PCDH11Y: variants seen among roughly 807,000 people sequenced by gnomAD.
The protein encoded by PCDH11Y is protocadherin 11 Y-linked.
For missense variants in PCDH11Y, 12 were observed against 224.8 expected, an observed-to-expected ratio of 0.05 and a Z score of 6.05; for synonymous variants, 9 against 83.6, an observed-to-expected ratio of 0.11 and a Z score of 4.87.
intron 2 of PCDH11Y, among the ~76,000 whole-genome samples, chrY:5,246,311 A>G (rs2052995758): frequency 3.3e-5 from 1 of 30,435 alleles, no homozygotes; most frequent in African/African-American, 1.3e-4. Flanking sequence ...GAAGGAAAAA[A>G]TGTTAAGGGC....
chrY:5,105,012 G>T, downstream of PCDH11Y: 1 of 171,539 alleles, frequency 5.8e-6, no homozygotes, highest in Admixed American at 2.7e-4. Context: ...GGAGGCCGAG[G>T]CGGGTGGATC....
downstream of PCDH11Y, among the ~76,000 whole-genome samples, chrY:5,108,463 C>T (rs2052796962): frequency 7.0e-4 from 23 of 32,808 alleles, no homozygotes; most frequent in Admixed American, 2.8e-3. Flanking sequence ...TATGTATATA[C>T]TTGGCCGGGC....
chrY:5,673,706 A>G (rs2053551439), intron 4 of PCDH11Y, among the ~76,000 whole-genome samples: 1 of 32,374 alleles, frequency 3.1e-5, no homozygotes, highest in African/African-American at 1.2e-4. Context: ...GAGGGACTTT[A>G]TTAATTACAT....
intron 2 of PCDH11Y, among the ~76,000 whole-genome samples, chrY:5,132,034 C>T: frequency 3.0e-5 from 1 of 33,026 alleles, no homozygotes; most frequent in Non-Finnish European, 7.5e-5. Flanking sequence ...TTCAAGTACT[C>T]AATACAGTAT....
intron 4 of PCDH11Y, among the ~76,000 whole-genome samples, chrY:5,690,288 C>A (rs2124710699): frequency 3.0e-5 from 1 of 32,800 alleles, no homozygotes; most frequent in East Asian, 8.0e-4. Flanking sequence ...TTTGTAAAAC[C>A]AGAATTAACC....
chrY:5,069,888 CTT>C (rs2052696720), intron 1 of PCDH11Y, among the ~76,000 whole-genome samples: 1 of 33,030 alleles, frequency 3.0e-5, no homozygotes, highest in Non-Finnish European at 7.4e-5. Context: ...AGTGTTGTCT[CTT>C]TGTTCATCTA....
At chrY:5,377,504 T>A in intron 2 of PCDH11Y, among the ~76,000 whole-genome samples, 2 of 33,649 alleles carry the variant, frequency 5.9e-5, no homozygotes, top group African/African-American at 2.3e-4. Context: ...TACTTTAGAA[T>A]TGCACTTTAA....
At chrY:5,045,721 C>T in intron 3 of PCDH11Y, among the ~76,000 whole-genome samples, 1 of 33,048 alleles carries the variant, frequency 3.0e-5, no homozygotes, top group African/African-American at 1.2e-4. Context: ...CAACTTGGTT[C>T]CATTCTCCCC....
chrY:5,258,558 T>A (rs2124657738), intron 2 of PCDH11Y, among the ~76,000 whole-genome samples: 2 of 32,177 alleles, frequency 6.2e-5, no homozygotes, highest in South Asian at 1.4e-3. Context: ...AATTTCTTCA[T>A]TGACTCACTG....
intron 2 of PCDH11Y, among the ~76,000 whole-genome samples, chrY:5,407,680 A>G (rs1569344811): frequency 5.6e-3 from 180 of 32,298 alleles, no homozygotes; most frequent in East Asian, 0.021. Flanking sequence ...TTGGGAGGCC[A>G]AGGCGGGCAG....
At chrY:5,173,142 G>A (rs2052888863) in intron 2 of PCDH11Y, among the ~76,000 whole-genome samples, 1 of 33,103 alleles carries the variant, frequency 3.0e-5, no homozygotes, top group Non-Finnish European at 7.5e-5. Context: ...TTTCTCTGCT[G>A]TAAAATTAAG....
intron 1 of PCDH11Y, among the ~76,000 whole-genome samples, chrY:5,029,901 C>A (rs2052586438): frequency 4.7e-4 from 9 of 19,001 alleles, no homozygotes; most frequent in African/African-American, 2.0e-3. Context: ...CCAGCCTGGG[C>A]GACAGAGCTA....
chrY:5,105,197 G>T, downstream of PCDH11Y: 1 of 152,884 alleles, frequency 6.5e-6, no homozygotes, highest in Admixed American at 2.8e-4. Context: ...AGCCGAGATG[G>T]CGCCACTGCA....
At chrY:5,490,256 T>G in intron 2 of PCDH11Y, among the ~76,000 whole-genome samples, 1 of 33,272 alleles carries the variant, frequency 3.0e-5, no homozygotes. Flanking sequence ...GAAGGCTCAC[T>G]TCCTGGTTCA....
intron 2 of PCDH11Y, among the ~76,000 whole-genome samples, chrY:5,265,145 G>A (rs2053023979): frequency 3.0e-5 from 1 of 33,531 alleles, no homozygotes; most frequent in South Asian, 6.7e-4. Flanking sequence ...CATGATACAC[G>A]ACTGTCTTTC....
chrY:5,601,684 G>A, intron 4 of PCDH11Y, among the ~76,000 whole-genome samples: 1 of 32,627 alleles, frequency 3.1e-5, no homozygotes, highest in Non-Finnish European at 7.5e-5. Flanking sequence ...TTATATACCT[G>A]TATGTGTTAT....
chrY:5,149,450 A>G, intron 2 of PCDH11Y, among the ~76,000 whole-genome samples: 1 of 30,397 alleles, frequency 3.3e-5, no homozygotes, highest in Non-Finnish European at 7.9e-5. Flanking sequence ...TTGATGACAT[A>G]TTATCTTAGT....
chrY:5,443,640 C>A (rs2053284497), intron 2 of PCDH11Y, among the ~76,000 whole-genome samples: 1 of 33,276 alleles, frequency 3.0e-5, no homozygotes. Flanking sequence ...ATGAGTACAT[C>A]AAAAAGATGT....
chrY:5,536,779 A>G (rs2053400734), intron 3 of PCDH11Y, among the ~76,000 whole-genome samples: 1 of 31,817 alleles, frequency 3.1e-5, no homozygotes, highest in Non-Finnish European at 7.6e-5. Flanking sequence ...ATTCTTCTAC[A>G]TGTGGCTTGC....
Sources: gnomAD v4.1 joint callset for allele counts (sites outside exome capture counted in the v4.1 genomes callset) on GRCh38, gnomAD v4.1.1 for gene constraint, MANE v1.5 for transcripts, NCBI Gene and HGNC (gene_info 2026-07-23, HGNC 2026-07-21) for gene names.